Variants in DPF1 observed in about 807,000 individuals in gnomAD.
The protein encoded by DPF1 is double PHD fingers 1.
Under a neutral mutation model 58.7 loss-of-function variants are expected in DPF1, and 14 were observed. The observed-to-expected ratio is 0.24, with a 90% CI of 0.16 to 0.37. The LOEUF is 0.37. DPF1 is among the 10% of genes least tolerant of loss of function. The pLI is 1.00. For missense variants in DPF1, 345 were observed against 529.9 expected (o/e 0.65, Z 3.43); for synonymous variants, 216 against 216.0 (o/e 1.00, Z 0.00).
At chr19:38,212,237 T>TGGGGGGGGGGGCCCCCCCCCCC in intron 11 of DPF1, 43 bp downstream of exon 11, 1 of 1,256,812 alleles carries the variant, frequency 8.0e-7, no homozygotes, top group Non-Finnish European at 1.1e-6. Context: ...GGAGATGGCG[T>TGGGGGGGGGGGCCCCCCCCCCC]TCCCACCCAC....
chr19:38,220,373 G>A (rs1967373458), intron 3 of DPF1, among the ~76,000 whole-genome samples: 1 of 151,916 alleles, frequency 6.6e-6, no homozygotes, highest in Non-Finnish European at 1.5e-5. Context: ...TGTAATCCCA[G>A]CACTTTGGGA....
In DPF1 at chr19:38,212,333, T is replaced by C; in HGVS notation, c.1040A>G (p.Asp347Gly). 7.0e-7 allele frequency: 1 copy of C among 1,425,056 alleles called. No homozygotes were observed. The highest frequency in any genetic ancestry group is 9.2e-7 in the Non-Finnish European group (1 of 1,087,518). 88.3% of individuals were successfully genotyped at this position (1,425,056 alleles called of 1,614,324 possible). ...CAGGCAGTACATGTGGTAACCCCGA[T>C]CGCAGTCATCACAAAACAGCAGCTG... is the stretch of plus-strand genomic sequence containing the variant. The part of the protein sequence containing the change: ...DDQLLFCDDC[D>G]RGYHMYCLSP... The change falls in exon 11 of 12, where the codon GAT becomes GGT. Residue 347 changes from aspartate (D) to glycine (G), a missense_variant. Asp to Gly is a moderately conservative substitution (Grantham distance 94, BLOSUM62 -1). Coordinates refer to ENST00000355526, the MANE Select transcript of DPF1 (RefSeq NM_001135155.3).
rs1967618594 is a variant in DPF1 at position 38,222,966 on chromosome 19, G to A, written c.30-258C>T. The A allele has an allele frequency of 2.0e-6, 1 of 496,672 alleles. No homozygotes were observed. The highest frequency in any genetic ancestry group is 3.5e-6 in the Non-Finnish European group (1 of 283,998). 30.8% of individuals were successfully genotyped at this position (496,672 alleles called of 1,614,324 possible). A position where few individuals can be genotyped will look rare whatever the true frequency, so the allele number is the denominator to read the frequency against. On this transcript the variant is annotated intron_variant, in intron 1 of 11. Transcript: ENST00000355526. The surrounding 1 kb of genome is among the most constrained non-coding windows in gnomAD (Gnocchi z 4.9). Reference sequence around the variant, plus strand: ...ATACAGAAACAAACAAAAACACACCGGGACGTATCCCTACCTGAACACATG... The same window carrying A: ...ATACAGAAACAAACAAAAACACACCAGGACGTATCCCTACCTGAACACATG...
chr19:38,226,539 C>CACACACACAA (rs1967832271), upstream of DPF1, among the ~76,000 whole-genome samples: 1 of 148,748 alleles, frequency 6.7e-6, no homozygotes, highest in Non-Finnish European at 1.5e-5. Flanking sequence ...CACACACACA[C>CACACACACAA]TCCTCTAGTC....
chr19:38,228,992 C>T (rs1373324058), upstream of DPF1, among the ~76,000 whole-genome samples: 1 of 151,854 alleles, frequency 6.6e-6, no homozygotes, highest in African/African-American at 2.4e-5. Flanking sequence ...ACGGCGGGTT[C>T]GGGGCTTCCA....
rs1288490393 is a variant in DPF1, at chr19:38,218,911, T to TC, written c.426+19dup. ...GTGAGACGAAGCCATGCAGCGGGGG[T>TC]CCCCCAGAGGTGGGCCCACCTGACA... On this transcript the variant is annotated intron_variant, in intron 4 of 11. Coordinates refer to ENST00000355526, the MANE Select transcript of DPF1 (RefSeq NM_001135155.3). 1.2e-6 allele frequency: 2 copies of TC among 1,612,352 alleles called. No homozygotes were observed. Among genetic ancestry groups the TC allele is most frequent in the Non-Finnish European group, 1.7e-6 (2 of 1,179,574 alleles).
chr19:38,214,451 C>T (rs1007398370), intron 9 of DPF1, among the ~76,000 whole-genome samples: 3 of 152,202 alleles, frequency 2.0e-5, no homozygotes, highest in African/African-American at 7.2e-5. Context: ...TTTCACTACC[C>T]ATGATGCCAC....
Position 38,219,073 on chromosome 19 carries a change from A to G in DPF1, c.299-15T>C, listed in dbSNP as rs759610216. ...TGCTTCACAGTCTGGGGACAGGGCC[A>G]TGGGGGGGTCAGATGGGGAAGTTGA... is the stretch of plus-strand genomic sequence containing the variant. On this transcript the variant is annotated splice_polypyrimidine_tract_variant and intron_variant, in intron 3 of 11. Coordinates refer to ENST00000355526, the MANE Select transcript of DPF1 (RefSeq NM_001135155.3). The G allele has an allele frequency of 9.9e-6, 16 of 1,613,044 alleles. No individual in the cohort carries two copies. The highest frequency in any genetic ancestry group is 1.4e-5 in the Non-Finnish European group (16 of 1,179,860).
upstream of DPF1, among the ~76,000 whole-genome samples, chr19:38,228,953 G>A (rs1278815622): frequency 2.0e-5 from 3 of 151,992 alleles, no homozygotes; most frequent in Non-Finnish European, 4.4e-5. Context: ...TATGCGCGGG[G>A]AGAGGGAGGG....
intron 1 of DPF1, 137 bp downstream of exon 1, chr19:38,223,977 C>G: frequency 3.3e-6 from 4 of 1,203,950 alleles, no homozygotes; most frequent in Non-Finnish European, 2.1e-6. Flanking sequence ...GTCACACACT[C>G]TCGCACCCCC....
At chr19:38,217,256 T>C in intron 7 of DPF1, 1 of 650,618 alleles carries the variant, frequency 1.5e-6, no homozygotes, top group Non-Finnish European at 2.6e-6. Flanking sequence ...CCCAGAAATA[T>C]TACGCCCGGC....
chr19:38,228,886 C>A (rs1383899667), upstream of DPF1, among the ~76,000 whole-genome samples: 1 of 152,028 alleles, frequency 6.6e-6, no homozygotes, highest in Non-Finnish European at 1.5e-5. Flanking sequence ...GCGCTCCCGG[C>A]ACCCCCTCCT....
chr19:38,222,180 A>G lies in DPF1; in HGVS notation c.298+177T>C, dbSNP rs370718585. Among the ~76,000 whole-genome samples the G allele has an allele frequency of 1.1e-4, 17 of 152,274 alleles. No individual in the cohort carries two copies. Among genetic ancestry groups the G allele is most frequent in the South Asian group, 1.0e-3 (5 of 4,822 alleles). ...CCATGTAGGAGGAGATGCAGTCGCCACTCAGTGACTCAGAGAAACTGTGGA... is the reference window on the plus strand; with the variant it reads ...CCATGTAGGAGGAGATGCAGTCGCCGCTCAGTGACTCAGAGAAACTGTGGA... On this transcript the variant is annotated intron_variant, in intron 3 of 11. Coordinates refer to ENST00000355526, the MANE Select transcript of DPF1 (RefSeq NM_001135155.3). The surrounding 1 kb of genome is among the most constrained non-coding windows in gnomAD (Gnocchi z 4.9).
intron 7 of DPF1, 81 bp downstream of exon 7, chr19:38,217,379 C>CG: frequency 1.7e-6 from 1 of 602,050 alleles, no homozygotes; most frequent in Non-Finnish European, 2.6e-6. Flanking sequence ...TGTCTAATGC[C>CG]CCCCCACCCC....
Position 38,222,375 on chromosome 19 carries a change from G to T in DPF1, c.280C>A (p.Pro94Thr), listed in dbSNP as rs777020703. 7.5e-6 allele frequency: 12 copies of T among 1,591,300 alleles called. No individual in the cohort carries two copies. The Admixed American group carries it at 2.3e-4, about 30-fold the overall frequency. Residue 94 changes from proline (P) to threonine (T), a missense_variant, in exon 3 of 12, where the codon CCC becomes ACC. Coordinates refer to ENST00000355526, the MANE Select transcript of DPF1 (RefSeq NM_001135155.3). This position sits in a 1 kb window ranked among gnomAD's most constrained non-coding sequence, Gnocchi z 4.9. ...LNILEDPRLR[P>T]CEYKIDCEAP... ...CACCCACCGATCTTGTACTCGCAGG[G>T]CCTGAGTCTGGGGTCCTCCAGGATG... is the stretch of plus-strand genomic sequence containing the variant.
At chr19:38,215,315 A>C (rs909080676) in intron 9 of DPF1, among the ~76,000 whole-genome samples, 3 of 149,408 alleles carry the variant, frequency 2.0e-5, no homozygotes, top group African/African-American at 4.9e-5. Flanking sequence ...ACATGGTGAA[A>C]CCCCCGTCTC....
intron 10 of DPF1, 90 bp downstream of exon 10, chr19:38,213,554 G>A (rs944191359): frequency 3.5e-6 from 4 of 1,137,750 alleles, no homozygotes; most frequent in Non-Finnish European, 5.2e-6. Context: ...ACCAGGGAAG[G>A]CTCAGGCACA....
chr19:38,227,850 T>G (rs1324406033), upstream of DPF1: 1 of 152,260 alleles, frequency 6.6e-6, no homozygotes, highest in Non-Finnish European at 1.5e-5. Flanking sequence ...TGACTCACAT[T>G]CTTTCAGGAG....
At chr19:38,218,887 T>C in intron 4 of DPF1, 44 bp downstream of exon 4, 1 of 1,607,648 alleles carries the variant, frequency 6.2e-7, no homozygotes, top group East Asian at 2.2e-5. Context: ...CAGGCAGGGG[T>C]GAGACGAAGC....
Sources: allele counts gnomAD v4.1 joint callset (sites outside exome capture counted in the v4.1 genomes callset), GRCh38; gene constraint gnomAD v4.1.1; non-coding constraint Gnocchi (gnomAD v3.1); transcripts MANE v1.5; gene names NCBI Gene and HGNC (gene_info 2026-07-23, HGNC 2026-07-21).